The following PPP2R2B variants were observed in gnomAD, a reference collection of about 807,000 sequenced individuals.
PPP2R2B encodes protein phosphatase 2 regulatory subunit Bbeta, also known as serine/threonine-protein phosphatase 2A 55 kDa regulatory subunit B beta isoform.
In PPP2R2B, 5 loss-of-function variants were observed where a neutral mutation model predicts 46.0. The observed-to-expected ratio is 0.11, with a 90% confidence interval of 0.06 to 0.23. The LOEUF (loss-of-function observed/expected upper bound fraction) is 0.23. PPP2R2B is among the 10% of genes least tolerant of loss of function. The pLI, the probability that PPP2R2B is intolerant of heterozygous loss-of-function variation, is 1.00. For missense variants in PPP2R2B, 367 were observed against 575.0 expected (o/e 0.64, Z 3.70); for synonymous variants, 215 against 206.7 (o/e 1.04, Z -0.34).
At chr5:146,901,455 C>T (rs1269944533) in intron 1 of PPP2R2B, among the ~76,000 whole-genome samples, 1 of 152,042 alleles carries the variant, frequency 6.6e-6, no homozygotes, top group Non-Finnish European at 1.5e-5. Flanking sequence ...GCTGTGTGAT[C>T]GTGTCACTGC....
intron 5 of PPP2R2B, among the ~76,000 whole-genome samples, chr5:146,651,310 G>T (rs1341140679): frequency 6.6e-6 from 1 of 151,944 alleles, no homozygotes; most frequent in Non-Finnish European, 1.5e-5. Flanking sequence ...AGAAAATCTT[G>T]GTTTATATTT....
At chr5:146,990,606 G>A (rs1297667008) in intron 1 of PPP2R2B, among the ~76,000 whole-genome samples, 3 of 152,176 alleles carry the variant, frequency 2.0e-5, no homozygotes, top group African/African-American at 7.2e-5. Context: ...TTAAAACTAT[G>A]AAACTATTAG....
intron 7 of PPP2R2B, among the ~76,000 whole-genome samples, chr5:146,615,667 G>A (rs1283500451): frequency 6.6e-6 from 1 of 151,504 alleles, no homozygotes; most frequent in Non-Finnish European, 1.5e-5. Context: ...TAAAAACCAA[G>A]GATTTAACTT....
chr5:146,706,752 G>C (rs573806082), intron 2 of PPP2R2B: 1 of 804,688 alleles, frequency 1.2e-6, no homozygotes, highest in Non-Finnish European at 2.2e-6. Flanking sequence ...AGCGTCTGCA[G>C]CTCCTCATAC....
chr5:146,994,626 T>G (rs1292757113), intron 1 of PPP2R2B, among the ~76,000 whole-genome samples: 2 of 152,102 alleles, frequency 1.3e-5, no homozygotes, highest in Non-Finnish European at 2.9e-5. Flanking sequence ...TGACAGTCCT[T>G]GGTTGAGGCT....
At chr5:146,712,211 G>A (rs3906652) in intron 2 of PPP2R2B, among the ~76,000 whole-genome samples, 43,089 of 152,092 alleles carry the variant, frequency 0.28, 7,596 homozygotes, top group African/African-American at 0.5. Context: ...AAGCGTGCCA[G>A]TTATAATACC....
At chr5:147,081,073 A>G (rs1183979401) in exon 2 of PPP2R2B, 87 of 1,535,400 alleles carry the variant, frequency 5.7e-5, no homozygotes, top group Non-Finnish European at 7.2e-5. Flanking sequence ...TGTGGTTCCA[A>G]TCTCGATAGT....
At chr5:146,822,861 C>A (rs180719132) in intron 2 of PPP2R2B, among the ~76,000 whole-genome samples, 23 of 152,260 alleles carry the variant, frequency 1.5e-4, no homozygotes, top group Non-Finnish European at 2.5e-4. Flanking sequence ...TCTTTCCGTG[C>A]CTTTGTCATC....
At chr5:146,745,559 T>C (rs1271707625) in intron 2 of PPP2R2B, among the ~76,000 whole-genome samples, 1 of 152,244 alleles carries the variant, frequency 6.6e-6, no homozygotes, top group Non-Finnish European at 1.5e-5. Flanking sequence ...TAGAGTCCTC[T>C]AGATTGGTAA....
At chr5:146,857,598 G>C (rs989360592) in intron 2 of PPP2R2B, among the ~76,000 whole-genome samples, 9 of 152,060 alleles carry the variant, frequency 5.9e-5, no homozygotes, top group African/African-American at 2.2e-4. Context: ...AAAGATTAAG[G>C]TTAGTGTATT....
chr5:146,960,995 C>T (rs1180149070), intron 1 of PPP2R2B, among the ~76,000 whole-genome samples: 1 of 152,174 alleles, frequency 6.6e-6, no homozygotes, highest in African/African-American at 2.4e-5. Context: ...CCAGGCTTAA[C>T]ATTTTTGTAC....
chr5:146,697,818 G>T lies in PPP2R2B; in HGVS notation c.334+161C>A, dbSNP rs181682041. On this transcript the variant is annotated intron_variant, in intron 4 of 9. Coordinates refer to ENST00000394411, the MANE Select transcript of PPP2R2B (RefSeq NM_181675.4). ...CAGTAGTTACTATTTATTGAGGGCC[G>T]AATCTGTGTGTGCCAGGCACTCTGC... Among the ~76,000 whole-genome samples the T allele has an allele frequency of 2.0e-5, 3 of 152,244 alleles. No homozygotes were observed. The East Asian group carries it at 5.8e-4, about 29-fold the overall frequency.
At chr5:146,894,144 C>T (rs778932486) in intron 1 of PPP2R2B, among the ~76,000 whole-genome samples, 4 of 152,190 alleles carry the variant, frequency 2.6e-5, no homozygotes, top group East Asian at 3.9e-4. Flanking sequence ...TGTGTTCCTG[C>T]GGTAGCTTCT....
chr5:147,016,348 T>C (rs761544220), intron 1 of PPP2R2B, among the ~76,000 whole-genome samples: 1 of 151,154 alleles, frequency 6.6e-6, no homozygotes, highest in Non-Finnish European at 1.5e-5. Context: ...AAAAAAAAGA[T>C]GATAGCAGTT....
intron 5 of PPP2R2B, among the ~76,000 whole-genome samples, chr5:146,659,102 A>G (rs1776527337): frequency 6.6e-6 from 1 of 152,210 alleles, no homozygotes; most frequent in Admixed American, 6.5e-5. Context: ...AAGAAGAAAA[A>G]ATAATAATAT....
At chr5:146,901,613 G>T (rs555576084) in intron 1 of PPP2R2B, among the ~76,000 whole-genome samples, 1 of 151,854 alleles carries the variant, frequency 6.6e-6, no homozygotes, top group Admixed American at 6.6e-5. Flanking sequence ...TTATACCTGA[G>T]GTCCTAGATG....
chr5:146,736,077 G>C (rs1477383656), intron 2 of PPP2R2B, among the ~76,000 whole-genome samples: 1 of 152,158 alleles, frequency 6.6e-6, no homozygotes, highest in African/African-American at 2.4e-5. Context: ...CCCCCATCCT[G>C]TTCTTATGAG....
At chr5:146,840,242 A>G (rs915157958) in intron 2 of PPP2R2B, among the ~76,000 whole-genome samples, 1 of 116,614 alleles carries the variant, frequency 8.6e-6, no homozygotes, top group African/African-American at 2.7e-5. Context: ...CATAACAAAC[A>G]TTTAATTGAG....
chr5:146,763,380 C>T (rs1164626758), intron 2 of PPP2R2B, among the ~76,000 whole-genome samples: 2 of 152,030 alleles, frequency 1.3e-5, no homozygotes, highest in African/African-American at 2.4e-5. Flanking sequence ...GTTTCTCAAC[C>T]TCTCTGAGCC....
Sources: allele counts gnomAD v4.1 joint callset (sites outside exome capture counted in the v4.1 genomes callset), GRCh38; gene constraint gnomAD v4.1.1; transcripts MANE v1.5; gene names NCBI Gene and HGNC (gene_info 2026-07-23, HGNC 2026-07-21).